The following DLST variants were observed in gnomAD, a reference collection of about 807,000 sequenced individuals.
DLST encodes the protein dihydrolipoamide S-succinyltransferase, also known as dihydrolipoyllysine-residue succinyltransferase component of 2-oxoglutarate dehydrogenase complex, mitochondrial.
Under a neutral mutation model 53.1 loss-of-function variants are expected in DLST, and 17 were observed. The observed-to-expected ratio is 0.32, with a 90% CI of 0.22 to 0.48. DLST has a LOEUF of 0.48. Ranked by LOEUF, DLST falls within the 20% of genes least tolerant of loss-of-function variation. The probability of loss-of-function intolerance (pLI) is 0.99; values close to 1 mark genes in which losing one functional copy is unlikely to be tolerated. For missense variants in DLST, 512 were observed against 583.9 expected (o/e 0.88, Z 1.27); for synonymous variants, 206 against 204.8 (o/e 1.01, Z -0.05).
intron 10 of DLST, among the ~76,000 whole-genome samples, chr14:74,894,864 C>T (rs1193781804): frequency 2.0e-5 from 3 of 151,954 alleles, no homozygotes. Flanking sequence ...TGTTAACTTT[C>T]ACAGAGTGAG....
Position 74,902,261 on chromosome 14 carries a change from G to A in DLST, c.1293G>A (p.Glu431=). Residue 431 remains glutamate, a synonymous_variant, in exon 15 of 15, where the codon GAG becomes GAA. Coordinates refer to ENST00000334220, the MANE Select transcript of DLST (RefSeq NM_001933.5). ...ATCACCGGCTGATTGATGGCAGAGA[G>A]GCTGTGACTTTCCTCCGCAAAATCA... ...TYDHRLIDGR[E]AVTFLRKIKA... is the part of the protein sequence containing the mutation. 6.2e-7 allele frequency: 1 copy of A among 1,613,696 alleles called. No homozygotes were observed. The highest frequency in any genetic ancestry group is 8.5e-7 in the Non-Finnish European group (1 of 1,179,770).
intron 11 of DLST, 109 bp from the exon 12 acceptor site, chr14:74,899,814 C>T: frequency 1.2e-6 from 1 of 848,846 alleles, no homozygotes; most frequent in Non-Finnish European, 1.9e-6. Flanking sequence ...GTTGGTCAGC[C>T]CACACTGTAT....
Position 74,891,138 on chromosome 14 carries a change from C to A in DLST, c.413C>A (p.Thr138Asn). 6.2e-7 allele frequency: 1 copy of A among 1,614,174 alleles called. No homozygotes were observed. The highest frequency in any genetic ancestry group is 2.2e-5 in the East Asian group (1 of 44,872). The change falls in exon 7 of 15, where the codon ACT (threonine) becomes AAT (asparagine). Residue 138 changes from threonine to asparagine, a missense_variant. Transcript: ENST00000334220. ...VPDGGKVEGG[T>N]PLFTLRKTGA... Reference sequence around the variant, plus strand: ...GATGGGGGAAAAGTCGAAGGAGGCACTCCACTTTTCACACTCAGGAAAACT... The same window carrying A: ...GATGGGGGAAAAGTCGAAGGAGGCAATCCACTTTTCACACTCAGGAAAACT...
In DLST at chr14:74,903,697, TAAAG is replaced by T; in HGVS notation, c.*1371_*1374del. On this transcript the variant is annotated 3_prime_UTR_variant, in exon 15 of 15. Transcript: ENST00000334220. The stretch of plus-strand genomic sequence containing the variant: ...ATTCAGAACTTGTAACTAAAGTATT[TAAAG>T]AAACTGATTTTAAATGCAAATTAAA... 1 of 152,290 alleles carries T rather than the reference TAAAG, an allele frequency of 6.6e-6. No homozygotes were observed. The highest frequency in any genetic ancestry group is 2.4e-5 in the African/African-American group (1 of 41,552). 9.4% of individuals were successfully genotyped at this position (152,290 alleles called of 1,614,324 possible). A position where few individuals can be genotyped will look rare whatever the true frequency, so the allele number is the denominator to read the frequency against.
rs749689048 is a variant in DLST at position 74,889,907 on chromosome 14, C to T, written c.285C>T (p.Asp95=). ...GDVRWEKAVG[D]TVAEDEVVCE... is the part of the protein sequence containing the mutation. Reference sequence around the variant, plus strand: ...TGATTGTCTTTTCAGCTGTTGGAGACACAGTTGCAGAAGATGAAGTGGTTT... The same window carrying T: ...TGATTGTCTTTTCAGCTGTTGGAGATACAGTTGCAGAAGATGAAGTGGTTT... Residue 95 remains aspartate (D), a synonymous_variant, in exon 6 of 15, where the codon GAC becomes GAT. Coordinates refer to ENST00000334220, the MANE Select transcript of DLST (RefSeq NM_001933.5). 7 of 1,613,948 alleles carry T rather than the reference C, an allele frequency of 4.3e-6. No individual in the cohort carries two copies. The highest frequency in any genetic ancestry group is 5.9e-6 in the Non-Finnish European group (7 of 1,179,946).
In DLST at chr14:74,893,490, G is replaced by A. The variant is rs549034359; in HGVS notation, c.672+66G>A. On this transcript the variant is annotated intron_variant, in intron 9 of 14. Transcript: ENST00000334220. ...CAGTGTTGAGATTAGTGGAGTATGG[G>A]TGTGGTGATGCCTACCTTTGAATGC... The A allele has an allele frequency of 2.5e-5, 39 of 1,554,722 alleles. No homozygotes were observed. The African/African-American group carries it at 4.7e-4, about 19-fold the overall frequency.
At chr14:74,883,294 CAAA>C (rs35879783) in intron 2 of DLST, among the ~76,000 whole-genome samples, 4 of 67,266 alleles carry the variant, frequency 5.9e-5, no homozygotes, top group Non-Finnish European at 6.5e-5. Context: ...GACTCCATCT[CAAA>C]AAAAAAAAAA....
intron 9 of DLST, among the ~76,000 whole-genome samples, chr14:74,893,911 C>T (rs563356969): frequency 7.9e-5 from 12 of 152,256 alleles, no homozygotes; most frequent in African/African-American, 4.8e-5. Context: ...ATGATAGCCT[C>T]GAAAGTTTGT....
intron 3 of DLST, among the ~76,000 whole-genome samples, chr14:74,887,200 G>A (rs10138700): frequency 1.3e-5 from 2 of 152,118 alleles, no homozygotes; most frequent in African/African-American, 4.8e-5. Flanking sequence ...ATGTTCACAT[G>A]TTCACACTAT....
rs1884009744 is a variant in DLST at position 74,894,366 on chromosome 14, A to G, written c.727A>G (p.Asn243Asp). 4 of 1,614,194 alleles carry G rather than the reference A, an allele frequency of 2.5e-6. No homozygotes were observed. ...TGCTCAGCGTCTGAAGGAGGCCCAG[A>G]ATACATGTGCAATGCTGACAACTTT... Reference protein sequence around the residue: ...RIAQRLKEAQNTCAMLTTFNE... With the variant: ...RIAQRLKEAQDTCAMLTTFNE... The change falls in exon 10 of 15, where the codon AAT becomes GAT. Residue 243 changes from asparagine to aspartate, a missense_variant. Around this residue, in one of 4 missense-constraint regions of DLST, gnomAD observed 162 missense variants for 162.0 expected, o/e 1.00. Coordinates refer to ENST00000334220, the MANE Select transcript of DLST (RefSeq NM_001933.5).
chr14:74,891,930 G>A, intron 7 of DLST: 2 of 886,580 alleles, frequency 2.3e-6, no homozygotes, highest in East Asian at 1.2e-4. Context: ...TGTTGCAGAA[G>A]TTTGTCTTAG....
intron 10 of DLST, among the ~76,000 whole-genome samples, chr14:74,897,476 A>ATT (rs1884106963): frequency 6.6e-6 from 1 of 152,212 alleles, no homozygotes; most frequent in Non-Finnish European, 1.5e-5. Flanking sequence ...CTAACTCTGC[A>ATT]ATGTGTCATT....
At chr14:74,896,345 C>T (rs1387730242) in intron 10 of DLST, among the ~76,000 whole-genome samples, 3 of 152,142 alleles carry the variant, frequency 2.0e-5, no homozygotes, top group Non-Finnish European at 4.4e-5. Context: ...AAGGTTGGAT[C>T]CTTATTTCAG....
At chr14:74,898,631 C>T in intron 11 of DLST, 132 bp downstream of exon 11, 1 of 1,160,344 alleles carries the variant, frequency 8.6e-7, no homozygotes, top group Non-Finnish European at 1.2e-6. Flanking sequence ...AGTATCTTCC[C>T]CAGGGATTTC....
intron 14 of DLST, among the ~76,000 whole-genome samples, chr14:74,901,738 T>A (rs1398208671): frequency 6.6e-6 from 1 of 152,196 alleles, no homozygotes; most frequent in Non-Finnish European, 1.5e-5. Flanking sequence ...TTAGAATCCT[T>A]TTGGGTTACT....
chr14:74,894,638 C>T (rs1472692025), intron 10 of DLST, among the ~76,000 whole-genome samples: 1 of 152,088 alleles, frequency 6.6e-6, no homozygotes, highest in Non-Finnish European at 1.5e-5. Flanking sequence ...CTCCGCCTCC[C>T]GGGTTCACGC....
Position 74,882,521 on chromosome 14 carries a change from G to A in DLST, c.64-70G>A, listed in dbSNP as rs1239900884. On this transcript the variant is annotated intron_variant, in intron 1 of 14. Coordinates refer to ENST00000334220, the MANE Select transcript of DLST (RefSeq NM_001933.5). ...CCACCACTGGGACAGCTTTGAGCGT[G>A]TACTTAAAAGAAAAAGCTGGGTTTT... 2.3e-5 allele frequency: 34 copies of A among 1,503,688 alleles called. No homozygotes were observed. In the Admixed American group the frequency reaches 2.7e-4, roughly 12 times the overall value. The allele number at this position is 1,503,688 out of a possible 1,614,324, so 93.1% of individuals were successfully genotyped here. A position where few individuals can be genotyped will look rare whatever the true frequency, so the allele number is the denominator to read the frequency against.
chr14:74,885,346 T>C lies in DLST; in HGVS notation c.98-240T>C, dbSNP rs555769465. ...AATCACTTTGGGCTGTGCCATCAAATTTTTTCTCTTTCCTCCCCAGCCAAA... is the reference window on the plus strand; with the variant it reads ...AATCACTTTGGGCTGTGCCATCAAACTTTTTCTCTTTCCTCCCCAGCCAAA... On this transcript the variant is annotated intron_variant, in intron 2 of 14. Transcript: ENST00000334220. 7.9e-5 allele frequency among the ~76,000 whole-genome samples: 12 copies of C among 152,254 alleles called. 1 individual carries two copies. In the South Asian group the frequency reaches 2.1e-3, roughly 26 times the overall value.
intron 9 of DLST, 121 bp downstream of exon 9, chr14:74,893,545 A>T: frequency 9.5e-7 from 1 of 1,050,128 alleles, no homozygotes; most frequent in Non-Finnish European, 1.4e-6. Flanking sequence ...ACCTTGATAA[A>T]GGGAGTTTAG....
Sources: gnomAD v4.1 joint callset for allele counts (sites outside exome capture counted in the v4.1 genomes callset) on GRCh38, gnomAD v4.1.1 for gene constraint, gnomAD v4.1.1 regional missense constraint, MANE v1.5 for transcripts, NCBI Gene and HGNC (gene_info 2026-07-23, HGNC 2026-07-21) for gene names.